Variants in ZNF469 observed in about 807,000 individuals in gnomAD.
The protein encoded by ZNF469 is zinc finger protein 469.
ZNF469 carries 1 observed loss-of-function variant against 1.0 expected under a neutral mutation model. That is an observed-to-expected ratio of 1.00 (90% CI 0.35 to 4.73). The LOEUF is 4.73. ZNF469 is among the 30% of genes most tolerant of loss of function. The pLI, the probability that ZNF469 is intolerant of heterozygous loss-of-function variation, is 0.16. For missense variants in ZNF469, 6,100 were observed against 5,356.3 expected (o/e 1.14, Z -4.33); for synonymous variants, 2,703 against 2,363.4 (o/e 1.14, Z -4.17).
rs1309505750 is a variant in ZNF469, at chr16:88,437,844, G to T, written c.10374G>T (p.Ala3458=). 3 of 1,540,012 alleles carry T rather than the reference G, an allele frequency of 1.9e-6. No homozygotes were observed. The highest frequency in any genetic ancestry group is 2.7e-5 in the African/African-American group (2 of 72,746). Residue 3458 remains alanine, a synonymous_variant, in exon 3 of 3, where the codon GCG becomes GCT. Coordinates refer to ENST00000565624, the MANE Select transcript of ZNF469 (RefSeq NM_001367624.2). ...TCCGCGGCGTGCGGAGGCCGGGAGC[G>T]CCGGGACAGAAGGCCCGGGCCCTCG... The part of the protein sequence containing the change: ...FAFRGVRRPG[A]PGQKARALEG...
chr16:88,290,131 C>T, the ZNF469 span, among the ~76,000 whole-genome samples: 2 of 152,224 alleles, frequency 1.3e-5, no homozygotes. Context: ...CAGTGAGGCA[C>T]TTAGAGTGCC....
chr16:88,377,215 G>A, the ZNF469 span, among the ~76,000 whole-genome samples: 1 of 152,266 alleles, frequency 6.6e-6, no homozygotes, highest in South Asian at 2.1e-4. Context: ...CTGCTCAGAA[G>A]GCAGGAGCCG....
the ZNF469 span, among the ~76,000 whole-genome samples, chr16:88,153,915 G>A: frequency 6.6e-6 from 1 of 152,176 alleles, no homozygotes; most frequent in Non-Finnish European, 1.5e-5. Flanking sequence ...AGTGGATCAG[G>A]GCCCCACTCT....
chr16:88,269,815 C>T, the ZNF469 span, among the ~76,000 whole-genome samples: 1 of 152,148 alleles, frequency 6.6e-6, no homozygotes, highest in African/African-American at 2.4e-5. Flanking sequence ...TCTGATGGCT[C>T]CTGAGGTGGT....
At chr16:88,161,942 G>C in the ZNF469 span, among the ~76,000 whole-genome samples, 1 of 152,178 alleles carries the variant, frequency 6.6e-6, no homozygotes, top group African/African-American at 2.4e-5. Context: ...ATGGAATGCC[G>C]TTGAGACAGC....
At chr16:88,239,715 ATTTTTTTTT>A in the ZNF469 span, among the ~76,000 whole-genome samples, 476 of 6,520 alleles carry the variant, frequency 0.073, 8 homozygotes, top group Non-Finnish European at 0.091. Context: ...ATATATATAT[ATTTTTTTTT>A]TTTTTTTTTT....
At chr16:88,264,956 G>T in the ZNF469 span, among the ~76,000 whole-genome samples, 1 of 152,128 alleles carries the variant, frequency 6.6e-6, no homozygotes, top group Non-Finnish European at 1.5e-5. Flanking sequence ...GGCACACAGG[G>T]CTGACTGCGG....
At chr16:88,390,205 G>T (rs1241887337) in intron 1 of ZNF469, among the ~76,000 whole-genome samples, 2 of 152,224 alleles carry the variant, frequency 1.3e-5, no homozygotes, top group Non-Finnish European at 2.9e-5. Flanking sequence ...TGGTCACGGG[G>T]TTCAGCTCAG....
chr16:88,389,878 C>T (rs921164636), intron 1 of ZNF469, among the ~76,000 whole-genome samples: 4 of 152,198 alleles, frequency 2.6e-5, no homozygotes, highest in Non-Finnish European at 4.4e-5. Context: ...GCCCTCGCCT[C>T]CTGAACACTT....
chr16:88,181,891 A>G, the ZNF469 span, among the ~76,000 whole-genome samples: 114 of 152,374 alleles, frequency 7.5e-4, 2 homozygotes, highest in Admixed American at 3.1e-3. Flanking sequence ...CCACTGAAAT[A>G]AAGCCAGGAA....
chr16:88,189,249 C>T, the ZNF469 span, among the ~76,000 whole-genome samples: 4 of 152,150 alleles, frequency 2.6e-5, no homozygotes, highest in Non-Finnish European at 5.9e-5. The surrounding 1 kb of genome is among the most constrained non-coding windows in gnomAD (Gnocchi z 4.3). Flanking sequence ...CCAGATAGCA[C>T]CAGAAGTAAG....
At chr16:88,322,511 C>G in the ZNF469 span, among the ~76,000 whole-genome samples, 1 of 152,230 alleles carries the variant, frequency 6.6e-6, no homozygotes. Context: ...ATGCTCTGAT[C>G]AAACCGTATC....
chr16:88,232,799 T>A, the ZNF469 span, among the ~76,000 whole-genome samples: 1 of 152,204 alleles, frequency 6.6e-6, no homozygotes, highest in South Asian at 2.1e-4. Flanking sequence ...AGTCAATGTG[T>A]TTTTCCTCTC....
In ZNF469 at chr16:88,421,373, C is replaced by T. The variant is rs575914293; in HGVS notation, c.-191-3434C>T. On this transcript the variant is annotated intron_variant, in intron 1 of 2. Coordinates refer to ENST00000565624, the MANE Select transcript of ZNF469 (RefSeq NM_001367624.2). The stretch of plus-strand genomic sequence containing the variant: ...CCTAGATCTGGGGGATAGGATCTCC[C>T]GACTTCAAAGGGGTCCGGCCTACTG... Among the ~76,000 whole-genome samples the T allele has an allele frequency of 3.9e-5, 6 of 152,266 alleles. No homozygotes were observed. In the South Asian group the frequency reaches 6.2e-4, roughly 16 times the overall value.
chr16:88,108,881 C>T, the ZNF469 span, among the ~76,000 whole-genome samples: 1 of 152,306 alleles, frequency 6.6e-6, no homozygotes, highest in African/African-American at 2.4e-5. Flanking sequence ...CTCGGGCCAC[C>T]AGCCCCGGTC....
the ZNF469 span, among the ~76,000 whole-genome samples, chr16:88,107,509 G>T: frequency 5.3e-5 from 8 of 152,322 alleles, no homozygotes; most frequent in African/African-American, 1.7e-4. Flanking sequence ...CCCTCCACAC[G>T]TGAGGATCAT....
At chr16:88,373,635 A>G in the ZNF469 span, among the ~76,000 whole-genome samples, 1 of 152,212 alleles carries the variant, frequency 6.6e-6, no homozygotes, top group South Asian at 2.1e-4. Context: ...ACTTGCTCAC[A>G]TCACAGTCAC....
the ZNF469 span, among the ~76,000 whole-genome samples, chr16:88,277,425 G>T: frequency 2.7e-5 from 4 of 146,378 alleles, no homozygotes; most frequent in Admixed American, 2.7e-4. Context: ...TCAGTGCACG[G>T]TTAGTGCTGC....
the ZNF469 span, among the ~76,000 whole-genome samples, chr16:88,205,571 G>A: frequency 3.3e-5 from 5 of 152,172 alleles, no homozygotes; most frequent in African/African-American, 4.8e-5. The surrounding 1 kb of genome is among the most constrained non-coding windows in gnomAD (Gnocchi z 4.2). Context: ...GAACAGTTTC[G>A]GGGTGATGCT....
Sources: gnomAD v4.1 joint callset for allele counts (sites outside exome capture counted in the v4.1 genomes callset) on GRCh38, gnomAD v4.1.1 for gene constraint, Gnocchi (gnomAD v3.1) non-coding constraint, MANE v1.5 for transcripts, NCBI Gene and HGNC (gene_info 2026-07-23, HGNC 2026-07-21) for gene names.